TENM3: variants seen among roughly 807,000 people sequenced by gnomAD.
TENM3 encodes the protein teneurin transmembrane protein 3, also known as teneurin-3.
In TENM3, 63 loss-of-function variants were observed where a neutral mutation model predicts 255.1. The observed-to-expected ratio is 0.25, with a 90% CI of 0.20 to 0.30. TENM3 has a LOEUF of 0.30. Among genes scored for constraint, TENM3 ranks in the 10% least tolerant of loss-of-function variants. The pLI is 1.00. For synonymous variants in TENM3, 1,306 were observed against 1,322.3 expected, an observed-to-expected ratio of 0.99 and a Z score of 0.27; for missense variants, 2,929 against 3,461.1, an observed-to-expected ratio of 0.85 and a Z score of 3.86.
intron 3 of TENM3, among the ~76,000 whole-genome samples, chr4:182,513,922 T>C (rs912591986): frequency 1.3e-5 from 2 of 152,230 alleles, no homozygotes; most frequent in Non-Finnish European, 2.9e-5. Context: ...TCAGAGCCAA[T>C]TGAAAATATC....
the TENM3 span, among the ~76,000 whole-genome samples, chr4:181,460,436 T>C: frequency 1.3e-5 from 2 of 151,958 alleles, no homozygotes; most frequent in Admixed American, 6.6e-5. Context: ...TGTTGTATTT[T>C]TGTATTATCT....
chr4:181,721,109 A>G, the TENM3 span, among the ~76,000 whole-genome samples: 1 of 144,418 alleles, frequency 6.9e-6, no homozygotes, highest in South Asian at 2.2e-4. Context: ...TACCAAGGGT[A>G]AAAAAAAAAA....
At chr4:182,407,596 T>G (rs1769674529) in intron 3 of TENM3, among the ~76,000 whole-genome samples, 1 of 152,196 alleles carries the variant, frequency 6.6e-6, no homozygotes, top group African/African-American at 2.4e-5. Flanking sequence ...AGTGAATGAA[T>G]GAATGAATGA....
the TENM3 span, among the ~76,000 whole-genome samples, chr4:181,993,468 AAGAACAG>A: frequency 6.6e-6 from 1 of 152,188 alleles, no homozygotes; most frequent in Non-Finnish European, 1.5e-5. Flanking sequence ...TTGGTAGCTA[AAGAACAG>A]CTTCGCTGTG....
rs549521920 is a variant in TENM3 at position 182,597,824 on chromosome 4, T to C, written c.512-3100T>C. On this transcript the variant is annotated intron_variant, in intron 3 of 27. Transcript: ENST00000511685. ...TTTTGTAAGCCCAAATCTGTAGAGC[T>C]AGCATTGACCCTAACTGAATCCCCG... 3.9e-5 allele frequency among the ~76,000 whole-genome samples: 6 copies of C among 152,308 alleles called. No homozygotes were observed. In the East Asian group the frequency reaches 1.2e-3, roughly 29 times the overall value.
chr4:182,420,337 G>A (rs1770729711), intron 3 of TENM3, among the ~76,000 whole-genome samples: 1 of 152,114 alleles, frequency 6.6e-6, no homozygotes, highest in Non-Finnish European at 1.5e-5. Context: ...TTCAGCTACT[G>A]TCACTCTGAT....
At chr4:182,177,808 A>T (rs1752593196) in intron 1 of TENM3, among the ~76,000 whole-genome samples, 1 of 151,996 alleles carries the variant, frequency 6.6e-6, no homozygotes, top group Admixed American at 6.5e-5. Context: ...GATTACAACC[A>T]TGAGCCACTG....
the TENM3 span, among the ~76,000 whole-genome samples, chr4:182,066,456 G>A: frequency 6.6e-6 from 1 of 152,058 alleles, no homozygotes. Flanking sequence ...TTCCGCCACA[G>A]CCTCGATGTG....
the TENM3 span, among the ~76,000 whole-genome samples, chr4:181,561,206 G>A: frequency 2.0e-5 from 3 of 152,010 alleles, no homozygotes; most frequent in Non-Finnish European, 4.4e-5. Context: ...CACCCATCTC[G>A]GCCTCCCAAA....
At chr4:181,888,661 A>G in the TENM3 span, among the ~76,000 whole-genome samples, 3 of 139,800 alleles carry the variant, frequency 2.1e-5, no homozygotes, top group Non-Finnish European at 4.6e-5. Context: ...GACTCATATG[A>G]TTATGGAGGC....
At chr4:182,553,723 C>T (rs1374461902) in intron 3 of TENM3, among the ~76,000 whole-genome samples, 2 of 152,160 alleles carry the variant, frequency 1.3e-5, no homozygotes, top group African/African-American at 2.4e-5. Flanking sequence ...TTAGCGTTTA[C>T]AGCACTTTTT....
the TENM3 span, among the ~76,000 whole-genome samples, chr4:181,733,679 A>G: frequency 3.9e-5 from 6 of 152,134 alleles, no homozygotes; most frequent in Non-Finnish European, 8.8e-5. Flanking sequence ...CATGGGGCTT[A>G]TGGTTGGGGA....
At chr4:182,104,480 A>G in the TENM3 span, among the ~76,000 whole-genome samples, 1 of 148,174 alleles carries the variant, frequency 6.7e-6, no homozygotes, top group Admixed American at 6.7e-5. Context: ...CTAACAGATC[A>G]TCCAGGGTTA....
intron 3 of TENM3, among the ~76,000 whole-genome samples, chr4:182,398,276 G>A (rs1443101031): frequency 6.6e-6 from 1 of 152,128 alleles, no homozygotes; most frequent in African/African-American, 2.4e-5. Context: ...ACAGGCATTA[G>A]GCTGTGAGTC....
the TENM3 span, among the ~76,000 whole-genome samples, chr4:182,107,413 T>A: frequency 6.6e-6 from 1 of 152,194 alleles, no homozygotes; most frequent in Non-Finnish European, 1.5e-5. Flanking sequence ...AAGGACATCC[T>A]GTTTCTGGGG....
chr4:182,014,092 G>A, the TENM3 span, among the ~76,000 whole-genome samples: 3 of 91,202 alleles, frequency 3.3e-5, no homozygotes, highest in African/African-American at 1.2e-4. Flanking sequence ...GTATATATAC[G>A]TGTATATACG....
chr4:181,587,547 C>T, the TENM3 span, among the ~76,000 whole-genome samples: 4 of 152,154 alleles, frequency 2.6e-5, no homozygotes, highest in East Asian at 3.9e-4. Flanking sequence ...GTACAATCCC[C>T]GTTTTACAGA....
intron 20 of TENM3, among the ~76,000 whole-genome samples, chr4:182,752,608 A>G (rs1369420650): frequency 1.3e-5 from 2 of 152,196 alleles, no homozygotes; most frequent in Admixed American, 1.3e-4. Flanking sequence ...CACTGAATAC[A>G]ATGTTTTTGG....
At chr4:181,483,390 GA>G in the TENM3 span, among the ~76,000 whole-genome samples, 1 of 151,972 alleles carries the variant, frequency 6.6e-6, no homozygotes, top group East Asian at 1.9e-4. Flanking sequence ...AAGGAAGGCA[GA>G]AAAAAATCGT....
Sources: gnomAD v4.1 joint callset for allele counts (sites outside exome capture counted in the v4.1 genomes callset) on GRCh38, gnomAD v4.1.1 for gene constraint, MANE v1.5 for transcripts, NCBI Gene and HGNC (gene_info 2026-07-23, HGNC 2026-07-21) for gene names.